The following SHANK2 variants were observed in gnomAD, a reference collection of about 807,000 sequenced individuals.
SHANK2 encodes SH3 and multiple ankyrin repeat domains 2, also known as SH3 and multiple ankyrin repeat domains protein 2.
A neutral mutation model predicts 133.7 loss-of-function variants in SHANK2; 43 were observed. The ratio of observed to expected loss-of-function variants is 0.32; its 90% CI spans 0.25 to 0.41. The LOEUF (loss-of-function observed/expected upper bound fraction) is 0.41. Among genes scored for constraint, SHANK2 ranks in the 10% least tolerant of loss-of-function variants. The probability of loss-of-function intolerance (pLI) is 1.00; values close to 1 mark genes in which losing one functional copy is unlikely to be tolerated. For synonymous variants in SHANK2, 1,017 were observed against 952.8 expected (o/e 1.07, Z -1.24); for missense variants, 1,994 against 2,235.8 (o/e 0.89, Z 2.18).
intron 15 of SHANK2, among the ~76,000 whole-genome samples, chr11:70,674,425 T>C (rs1461972824): frequency 6.6e-6 from 1 of 152,124 alleles, no homozygotes; most frequent in Non-Finnish European, 1.5e-5. Context: ...CTTGGCTCAC[T>C]GCAACCTCCA....
chr11:70,496,881 C>T (rs1014262041), intron 21 of SHANK2: 4 of 443,638 alleles, frequency 9.0e-6, no homozygotes, highest in Middle Eastern at 3.3e-4. Flanking sequence ...GGCACCCTAC[C>T]CATCATCACA....
rs1043355463 is a variant in SHANK2 at position 70,941,539 on chromosome 11, A to C, written c.1108-44972T>G. 3.9e-5 allele frequency among the ~76,000 whole-genome samples: 6 copies of C among 152,142 alleles called. No individual in the cohort carries two copies. The East Asian group carries it at 1.2e-3, about 29-fold the overall frequency. On this transcript the variant is annotated intron_variant, in intron 10 of 25. Transcript: ENST00000601538. ...TCATATGTCAGAGCTCTAATCCCCA[A>C]GGGGATGGCATTTGGATTGGGACCT...
At chr11:70,645,959 A>C (rs2134182208) in intron 17 of SHANK2, among the ~76,000 whole-genome samples, 1 of 152,306 alleles carries the variant, frequency 6.6e-6, no homozygotes, top group African/African-American at 2.4e-5. Context: ...CAGCTGTTCC[A>C]TGTGCAAACT....
In SHANK2 at chr11:71,128,462, G is replaced by A. The variant is rs142813551; in HGVS notation, c.208-9430C>T. The stretch of plus-strand genomic sequence containing the variant: ...ACATACAGCATGAGACCTGGGTGGT[G>A]ATGGAGTGGGACAGGGGCTGACATG... On this transcript the variant is annotated intron_variant, in intron 3 of 25. Transcript: ENST00000601538. Among the ~76,000 whole-genome samples the A allele has an allele frequency of 1.7e-4, 26 of 152,276 alleles. No individual in the cohort carries two copies. The East Asian group carries it at 5.0e-3, about 29-fold the overall frequency.
At chr11:70,594,476 A>G (rs2060371204) in intron 17 of SHANK2, among the ~76,000 whole-genome samples, 1 of 152,076 alleles carries the variant, frequency 6.6e-6, no homozygotes, top group Admixed American at 6.5e-5. Flanking sequence ...TTTTTGACCC[A>G]TGTTTGGTTG....
intron 17 of SHANK2, among the ~76,000 whole-genome samples, chr11:70,594,640 G>A (rs1364768562): frequency 1.3e-5 from 2 of 152,156 alleles, no homozygotes; most frequent in African/African-American, 2.4e-5. Flanking sequence ...CTGGGTCCAG[G>A]GTTTCATTCT....
At chr11:70,680,159 G>C (rs1386628906) in intron 15 of SHANK2, among the ~76,000 whole-genome samples, 1 of 152,174 alleles carries the variant, frequency 6.6e-6, no homozygotes, top group Non-Finnish European at 1.5e-5. Context: ...CCATCCCAGG[G>C]AGTTACACAC....
intron 15 of SHANK2, among the ~76,000 whole-genome samples, chr11:70,664,373 G>T (rs562978349): frequency 1.3e-5 from 2 of 152,198 alleles, no homozygotes; most frequent in Admixed American, 1.3e-4. Context: ...TTCATGGAAG[G>T]TTCTCTAAAG....
intron 17 of SHANK2, among the ~76,000 whole-genome samples, chr11:70,632,896 A>G (rs1425867878): frequency 6.6e-6 from 1 of 152,156 alleles, no homozygotes; most frequent in Non-Finnish European, 1.5e-5. Context: ...GGGCTTGGGA[A>G]GCTGGGTCTC....
At chr11:71,138,542 C>T (rs1408782669) in intron 3 of SHANK2, among the ~76,000 whole-genome samples, 2 of 151,980 alleles carry the variant, frequency 1.3e-5, no homozygotes, top group African/African-American at 2.4e-5. Context: ...TCCGGCCGGG[C>T]GCGGTGGTTC....
chr11:70,937,153 T>C (rs1950583180), intron 10 of SHANK2, among the ~76,000 whole-genome samples: 1 of 152,170 alleles, frequency 6.6e-6, no homozygotes, highest in African/African-American at 2.4e-5. Context: ...CAGGGACCTC[T>C]GGGTTCCTCA....
chr11:70,908,514 A>G (rs1258943388), intron 10 of SHANK2, among the ~76,000 whole-genome samples: 1 of 152,162 alleles, frequency 6.6e-6, no homozygotes, highest in Non-Finnish European at 1.5e-5. Context: ...TTTTGCCATG[A>G]CTGCAGCTCA....
At chr11:71,154,644 GT>G (rs1331689558) in intron 2 of SHANK2, among the ~76,000 whole-genome samples, 2 of 152,098 alleles carry the variant, frequency 1.3e-5, no homozygotes, top group African/African-American at 4.8e-5. Flanking sequence ...TACTGGAGGG[GT>G]GAACTTACCC....
At chr11:70,736,452 T>C (rs1555033585) in intron 14 of SHANK2, among the ~76,000 whole-genome samples, 2 of 152,140 alleles carry the variant, frequency 1.3e-5, no homozygotes, top group African/African-American at 4.8e-5. Flanking sequence ...TTAAATCCAA[T>C]GATACGTGTT....
chr11:70,704,427 T>C (rs1199448146), intron 14 of SHANK2, among the ~76,000 whole-genome samples: 1 of 152,226 alleles, frequency 6.6e-6, no homozygotes, highest in African/African-American at 2.4e-5. Flanking sequence ...CTGGTGAGGC[T>C]GACCCTCAGG....
chr11:70,499,962 A>G (rs2059026768), intron 21 of SHANK2, among the ~76,000 whole-genome samples: 1 of 152,238 alleles, frequency 6.6e-6, no homozygotes, highest in South Asian at 2.1e-4. Context: ...GTCCAGCAGC[A>G]GGCGAGCAAT....
At chr11:70,848,130 C>CCT (rs1363416111) in intron 11 of SHANK2, among the ~76,000 whole-genome samples, 1 of 152,226 alleles carries the variant, frequency 6.6e-6, no homozygotes. Context: ...AGACGAAAGG[C>CCT]CCTCTCAGGA....
chr11:70,586,825 C>A (rs1246906772), intron 17 of SHANK2, among the ~76,000 whole-genome samples: 2 of 152,208 alleles, frequency 1.3e-5, no homozygotes, highest in African/African-American at 4.8e-5. Flanking sequence ...GTACCTCACC[C>A]CCCCAGAGTG....
chr11:71,092,081 G>C (rs1185799200), intron 8 of SHANK2, among the ~76,000 whole-genome samples: 1 of 152,140 alleles, frequency 6.6e-6, no homozygotes, highest in African/African-American at 2.4e-5. Flanking sequence ...TGTCAGGACG[G>C]TGGGAACTTG....
Sources: gnomAD v4.1 joint callset for allele counts (sites outside exome capture counted in the v4.1 genomes callset) on GRCh38, gnomAD v4.1.1 for gene constraint, MANE v1.5 for transcripts, NCBI Gene and HGNC (gene_info 2026-07-23, HGNC 2026-07-21) for gene names.